Variants in LRP1B observed in about 807,000 individuals in gnomAD.
LRP1B encodes the protein LDL receptor related protein 1B.
LRP1B carries 217 observed loss-of-function variants against 556.6 expected under a neutral mutation model. The ratio of observed to expected loss-of-function variants is 0.39; its 90% CI spans 0.35 to 0.44. The LOEUF is 0.44. LRP1B is among the 20% of genes least tolerant of loss of function. The pLI is 1.00. For missense variants in LRP1B, 5,053 were observed against 5,620.8 expected (o/e 0.90, Z 3.23); for synonymous variants, 2,047 against 1,865.8 (o/e 1.10, Z -2.50).
chr2:141,753,252 C>G (rs1479038267), intron 2 of LRP1B, among the ~76,000 whole-genome samples: 1 of 41,780 alleles, frequency 2.4e-5, no homozygotes. Flanking sequence ...CACACACTCT[C>G]TCTCTCTCTC....
At chr2:141,279,058 G>T (rs1456999810) in intron 3 of LRP1B, among the ~76,000 whole-genome samples, 1 of 151,960 alleles carries the variant, frequency 6.6e-6, no homozygotes, top group African/African-American at 2.4e-5. Flanking sequence ...TAATTTATGT[G>T]AAGAATAATT....
In LRP1B at chr2:141,932,555, T is replaced by C. The variant is rs74331779; in HGVS notation, c.83-122154A>G. ...AATATTTCTTAGCAAAGCCATGTAA[T>C]GCTTGTGTAAGTGCATTTCATAAGA... is the stretch of plus-strand genomic sequence containing the variant. On this transcript the variant is annotated intron_variant, in intron 1 of 90. Coordinates refer to ENST00000389484, the MANE Select transcript of LRP1B (RefSeq NM_018557.3). Among the ~76,000 whole-genome samples, 1,368 of 152,162 alleles carry C rather than the reference T, an allele frequency of 9.0e-3. 25 individuals are homozygous for C. Among genetic ancestry groups the C allele is most frequent in the African/African-American group, 0.03 (1,259 of 41,550 alleles).
chr2:141,857,058 C>T (rs1169502703), intron 1 of LRP1B, among the ~76,000 whole-genome samples: 10 of 152,028 alleles, frequency 6.6e-5, no homozygotes, highest in Admixed American at 6.6e-4. Flanking sequence ...TCTTAGAAGC[C>T]ATATATAAAT....
intron 20 of LRP1B, among the ~76,000 whole-genome samples, chr2:140,927,900 T>G (rs888433054): frequency 6.6e-6 from 1 of 151,566 alleles, no homozygotes; most frequent in African/African-American, 2.4e-5. Context: ...TTATTTTTTA[T>G]TTTATTTATT....
chr2:141,844,481 G>C (rs2105764751), intron 1 of LRP1B, among the ~76,000 whole-genome samples: 1 of 152,220 alleles, frequency 6.6e-6, no homozygotes, highest in African/African-American at 2.4e-5. Context: ...TAGTGACAGA[G>C]TGGCAGTTTT....
intron 20 of LRP1B, among the ~76,000 whole-genome samples, chr2:140,939,530 T>C (rs1158678048): frequency 6.7e-6 from 1 of 148,304 alleles, no homozygotes; most frequent in African/African-American, 2.4e-5. Context: ...TATATATTTA[T>C]AATAAATTTA....
chr2:140,423,463 A>G (rs1223467261), intron 66 of LRP1B, among the ~76,000 whole-genome samples: 1 of 152,162 alleles, frequency 6.6e-6, no homozygotes, highest in Non-Finnish European at 1.5e-5. Context: ...CATACTAAGT[A>G]TAAGTATTGT....
intron 2 of LRP1B, among the ~76,000 whole-genome samples, chr2:141,511,219 A>G (rs62167899): frequency 0.056 from 8,553 of 152,200 alleles, 281 homozygotes; most frequent in Non-Finnish European, 0.066. Flanking sequence ...ATTATAATTT[A>G]TATGTCTCTA....
chr2:141,836,197 G>T (rs1180757478), intron 1 of LRP1B, among the ~76,000 whole-genome samples: 1 of 151,834 alleles, frequency 6.6e-6, no homozygotes, highest in Non-Finnish European at 1.5e-5. Flanking sequence ...TCAAATATTT[G>T]TGAGGATTAG....
At chr2:140,687,113 A>G (rs1407911555) in intron 41 of LRP1B, among the ~76,000 whole-genome samples, 1 of 152,138 alleles carries the variant, frequency 6.6e-6, no homozygotes, top group Non-Finnish European at 1.5e-5. Flanking sequence ...TGGGTAGAGC[A>G]GTGACATAGA....
At chr2:140,581,884 G>C (rs753057651) in intron 43 of LRP1B, among the ~76,000 whole-genome samples, 1 of 152,076 alleles carries the variant, frequency 6.6e-6, no homozygotes, top group African/African-American at 2.4e-5. Context: ...GATTGAAAGA[G>C]CATTAACTAA....
chr2:141,837,100 CA>C (rs1176862754), intron 1 of LRP1B, among the ~76,000 whole-genome samples: 1 of 151,832 alleles, frequency 6.6e-6, no homozygotes, highest in Non-Finnish European at 1.5e-5. Flanking sequence ...TTCAGTCCAG[CA>C]GGTATGCAGG....
chr2:140,994,544 C>T (rs1303067970), intron 15 of LRP1B, among the ~76,000 whole-genome samples: 2 of 151,738 alleles, frequency 1.3e-5, no homozygotes, highest in South Asian at 2.1e-4. Context: ...ATCCAACATA[C>T]AATACAAAGA....
intron 32 of LRP1B, among the ~76,000 whole-genome samples, chr2:140,811,308 G>T: frequency 6.6e-6 from 1 of 152,072 alleles, no homozygotes; most frequent in Admixed American, 6.6e-5. Flanking sequence ...TGCTAAGATA[G>T]ATACCTGCTC....
chr2:141,487,545 C>A (rs12611851), intron 2 of LRP1B, among the ~76,000 whole-genome samples: 54,021 of 152,006 alleles, frequency 0.36, 11,059 homozygotes, highest in East Asian at 0.64. Context: ...ACAACAAAAC[C>A]AAACTCCTTA....
chr2:140,994,628 T>C (rs968536485), intron 15 of LRP1B, among the ~76,000 whole-genome samples: 1 of 151,878 alleles, frequency 6.6e-6, no homozygotes, highest in African/African-American at 2.4e-5. Context: ...TCTTACCACA[T>C]ACACTAAAGA....
intron 23 of LRP1B, among the ~76,000 whole-genome samples, chr2:140,890,519 GT>G (rs1693767508): frequency 6.6e-6 from 1 of 152,016 alleles, no homozygotes; most frequent in South Asian, 2.1e-4. Flanking sequence ...GTCATTTTAT[GT>G]TGAGAAAACA....
chr2:142,128,179 T>C (rs1234320889), intron 1 of LRP1B, among the ~76,000 whole-genome samples: 1 of 152,142 alleles, frequency 6.6e-6, no homozygotes, highest in African/African-American at 2.4e-5. Flanking sequence ...CTTGTTCTAT[T>C]TAATACAATG....
intron 50 of LRP1B, among the ~76,000 whole-genome samples, chr2:140,516,435 T>C (rs201951214): frequency 1.0e-5 from 1 of 95,492 alleles, no homozygotes; most frequent in African/African-American, 3.0e-5. Context: ...GGCTGCTTTA[T>C]ATAAGGGACT....
Sources: allele counts gnomAD v4.1 joint callset (sites outside exome capture counted in the v4.1 genomes callset), GRCh38; gene constraint gnomAD v4.1.1; transcripts MANE v1.5; gene names NCBI Gene and HGNC (gene_info 2026-07-23, HGNC 2026-07-21).